Variants in ORC1 observed in about 807,000 individuals in gnomAD.
The protein encoded by ORC1 is origin recognition complex subunit 1.
ORC1 carries 61 observed loss-of-function variants against 98.9 expected under a neutral mutation model. The ratio of observed to expected loss-of-function variants is 0.62; its 90% CI spans 0.50 to 0.76. ORC1 has a LOEUF of 0.76. Ranked by LOEUF, ORC1 falls within the 30% of genes least tolerant of loss-of-function variation. The probability of loss-of-function intolerance (pLI) is 0.00; values close to 1 mark genes in which losing one functional copy is unlikely to be tolerated. For synonymous variants in ORC1, 385 were observed against 406.9 expected (o/e 0.95, Z 0.65); for missense variants, 979 against 1,072.2 (o/e 0.91, Z 1.21).
At chr1:52,404,617 C>T, upstream of ORC1, 2 of 961,970 alleles carry the variant, frequency 2.1e-6, no homozygotes, top group Non-Finnish European at 3.0e-6. Flanking sequence ...ACGGTGTTTC[C>T]GGCTTCAAGA....
chr1:52,389,799 C>T (rs1012432577), intron 6 of ORC1, among the ~76,000 whole-genome samples: 3 of 152,134 alleles, frequency 2.0e-5, no homozygotes, highest in African/African-American at 7.2e-5. Context: ...ATTTGTACAG[C>T]AAAGTTTGTT....
intron 3 of ORC1, among the ~76,000 whole-genome samples, chr1:52,398,739 G>A (rs540604476): frequency 1.3e-5 from 2 of 151,818 alleles, no homozygotes; most frequent in Admixed American, 6.6e-5. Flanking sequence ...CCGCCATCAC[G>A]CCCAGCTAAT....
intron 8 of ORC1, among the ~76,000 whole-genome samples, chr1:52,387,521 G>A (rs746531792): frequency 5.3e-5 from 8 of 152,084 alleles, no homozygotes; most frequent in Admixed American, 3.3e-4. Context: ...GCTATGGTGC[G>A]ATCTCAGCTC....
At position 52,381,729 on chromosome 1, in the gene ORC1, T is replaced by G; in HGVS notation, c.2046A>C (p.Thr682=). 1 of 1,613,496 alleles carries G rather than the reference T, an allele frequency of 6.2e-7. No homozygotes were observed. The highest frequency in any genetic ancestry group is 8.5e-7 in the Non-Finnish European group (1 of 1,179,678). The change falls in exon 14 of 17, where the codon ACA becomes ACC. Residue 682 remains threonine (T), a synonymous_variant. Coordinates refer to ENST00000371568, the MANE Select transcript of ORC1 (RefSeq NM_004153.4). ...TTAGGATCTGCTGCAGCTGGCTATA[T>G]GTATAGGGCTGGAAGCACATCCTGG... is the stretch of plus-strand genomic sequence containing the variant. ...GLTRMCFQPY[T]YSQLQQILRS...
At chr1:52,397,630 G>A in intron 4 of ORC1, 55 bp downstream of exon 4, 1 of 1,535,106 alleles carries the variant, frequency 6.5e-7, no homozygotes, top group Non-Finnish European at 9.0e-7. Flanking sequence ...ATGAAGTTCA[G>A]GAGGCAGACA....
At chr1:52,375,744 T>G in intron 14 of ORC1, 145 bp from the exon 15 acceptor site, 1 of 753,612 alleles carries the variant, frequency 1.3e-6, no homozygotes, top group South Asian at 1.5e-5. Context: ...AATGAATTAT[T>G]ACATTGTGCA....
intron 14 of ORC1, 71 bp downstream of exon 14, chr1:52,381,571 T>C: frequency 6.5e-7 from 1 of 1,537,874 alleles, no homozygotes; most frequent in Non-Finnish European, 8.9e-7. Flanking sequence ...AGCACCAGCA[T>C]AGGGCCTCAT....
upstream of ORC1, chr1:52,405,789 T>A: frequency 6.2e-7 from 1 of 1,614,178 alleles, no homozygotes; most frequent in Non-Finnish European, 8.5e-7. Context: ...TGCTTCAAAT[T>A]CAACCCGAGA....
intron 4 of ORC1, among the ~76,000 whole-genome samples, chr1:52,396,766 T>C (rs1354476156): frequency 3.3e-5 from 5 of 152,212 alleles, no homozygotes; most frequent in Non-Finnish European, 4.4e-5. Flanking sequence ...TTCCAGTCCA[T>C]TCTGTTCGCC....
intron 4 of ORC1, among the ~76,000 whole-genome samples, chr1:52,396,681 T>C (rs1352333069): frequency 6.6e-6 from 1 of 152,186 alleles, no homozygotes; most frequent in Non-Finnish European, 1.5e-5. Context: ...AGTTCAAATA[T>C]GCATCCTCTC....
At chr1:52,402,070 T>C (rs189184532) in intron 2 of ORC1, 59 bp downstream of exon 2, 2 of 1,214,402 alleles carry the variant, frequency 1.6e-6, no homozygotes, top group Admixed American at 1.7e-5. Flanking sequence ...TAGATACAAG[T>C]TGACTGTTTA....
chr1:52,408,726 T>C, upstream of ORC1: 1 of 1,608,332 alleles, frequency 6.2e-7, no homozygotes, highest in Non-Finnish European at 8.5e-7. Context: ...TTGTCATTTT[T>C]AAGCCAGTTT....
rs190424931 is a variant in ORC1 at position 52,394,659 on chromosome 1, T to C, written c.722-856A>G. 5.4e-3 allele frequency among the ~76,000 whole-genome samples: 830 copies of C among 152,294 alleles called. 5 individuals are homozygous for C. The highest frequency in any genetic ancestry group is 0.02 in the South Asian group (96 of 4,826). On this transcript the variant is annotated intron_variant, in intron 5 of 16. Transcript: ENST00000371568. ...AAAACTCCCTTGTTTCTTTCTTTCT[T>C]TTTTTCTGAGACAGAGTCTTGCTCT...
chr1:52,391,102 A>C lies in ORC1; in HGVS notation c.1083-1781T>G, dbSNP rs1372044617. Among the ~76,000 whole-genome samples, 7 of 151,980 alleles carry C rather than the reference A, an allele frequency of 4.6e-5. No individual in the cohort carries two copies. The East Asian group carries it at 1.2e-3, about 25-fold the overall frequency. On this transcript the variant is annotated intron_variant, in intron 6 of 16. Transcript: ENST00000371568. ...GAGGCAGGTGGATCACAAGGTCAGG[A>C]GTTCGAGACCAGCCTGGCCAATATG...
upstream of ORC1, chr1:52,408,444 A>G (rs775033189): frequency 1.5e-6 from 2 of 1,296,990 alleles, no homozygotes; most frequent in African/African-American, 2.9e-5. Flanking sequence ...CTACCTCCAC[A>G]ATTGCAGCTT....
chr1:52,383,805 T>C, intron 12 of ORC1, 25 bp downstream of exon 12: 1 of 1,584,094 alleles, frequency 6.3e-7, no homozygotes, highest in Non-Finnish European at 8.7e-7. Flanking sequence ...CTGTTTCTTC[T>C]CCTGTCCGCC....
Position 52,389,375 on chromosome 1 carries a change from C to T in ORC1, c.1083-54G>A, listed in dbSNP as rs6672059. 64,366 of 1,260,638 alleles carry T rather than the reference C, an allele frequency of 0.051. 1,874 individuals carry two copies. Among genetic ancestry groups the T allele is most frequent in the South Asian group, 0.088 (7,388 of 84,032 alleles). 78.1% of individuals were successfully genotyped at this position (1,260,638 alleles called of 1,614,324 possible). A position where few individuals can be genotyped will look rare whatever the true frequency, so the allele number is the denominator to read the frequency against. ...AAGCAGTTTTGGATACCAGAGTGTACAAAAGGCACTAGAAGATAGTCAAGT... is the reference window on the plus strand; with the variant it reads ...AAGCAGTTTTGGATACCAGAGTGTATAAAAGGCACTAGAAGATAGTCAAGT... On this transcript the variant is annotated intron_variant, in intron 6 of 16. Transcript: ENST00000371568.
upstream of ORC1, chr1:52,404,914 CT>C (rs775500423): frequency 5.0e-6 from 8 of 1,608,880 alleles, no homozygotes; most frequent in African/African-American, 9.4e-5. Flanking sequence ...TCTCAGCCCC[CT>C]TGTGGCCCAT....
rs1292484376 is a variant in ORC1 at position 52,402,012 on chromosome 1, T to A, written c.95+117A>T. 4.9e-6 allele frequency: 4 copies of A among 815,144 alleles called. No individual in the cohort carries two copies. In the East Asian group the frequency reaches 1.0e-4, roughly 21 times the overall value. The allele number at this position is 815,144 out of a possible 1,614,324, so 50.5% of individuals were successfully genotyped here. On this transcript the variant is annotated intron_variant, in intron 2 of 16. Coordinates refer to ENST00000371568, the MANE Select transcript of ORC1 (RefSeq NM_004153.4). ...AAACAAAACCCTCCTTACAATCAGT[T>A]CTAATCTCCTGTTCATTCATGGTCA...
Sources: allele counts gnomAD v4.1 joint callset (sites outside exome capture counted in the v4.1 genomes callset), GRCh38; gene constraint gnomAD v4.1.1; transcripts MANE v1.5; gene names NCBI Gene and HGNC (gene_info 2026-07-23, HGNC 2026-07-21).